The following MYT1L variants were observed in gnomAD, a reference collection of about 807,000 sequenced individuals.
MYT1L encodes myelin transcription factor 1 like.
Under a neutral mutation model 126.7 loss-of-function variants are expected in MYT1L, and 12 were observed. The ratio of observed to expected loss-of-function variants is 0.09; its 90% confidence interval spans 0.06 to 0.15. MYT1L has a LOEUF of 0.15. Ranked by LOEUF, MYT1L falls within the 10% of genes least tolerant of loss-of-function variation. The probability of loss-of-function intolerance (pLI) is 1.00; values close to 1 mark genes in which losing one functional copy is unlikely to be tolerated. For missense variants in MYT1L, 979 were observed against 1,585.2 expected (o/e 0.62, Z 6.49); for synonymous variants, 541 against 604.2 (o/e 0.90, Z 1.53).
chr2:2,209,173 A>C (rs539715519), intron 2 of MYT1L, among the ~76,000 whole-genome samples: 1 of 152,318 alleles, frequency 6.6e-6, no homozygotes, highest in African/African-American at 2.4e-5. Context: ...TTTATACAGA[A>C]ATGCAGTGCA....
At chr2:1,863,476 C>T (rs956660804) in intron 18 of MYT1L, among the ~76,000 whole-genome samples, 4 of 152,198 alleles carry the variant, frequency 2.6e-5, no homozygotes, top group African/African-American at 7.2e-5. Flanking sequence ...GTTGAGATTC[C>T]GACATTCATC....
At chr2:1,983,270 C>A (rs186060553) in intron 5 of MYT1L, among the ~76,000 whole-genome samples, 1 of 152,174 alleles carries the variant, frequency 6.6e-6, no homozygotes, top group Non-Finnish European at 1.5e-5. Flanking sequence ...ATGAGCATTA[C>A]AGGAGATAAT....
chr2:2,284,349 G>A (rs2095487933), intron 2 of MYT1L, 55 bp downstream of exon 2: 1 of 152,004 alleles, frequency 6.6e-6, no homozygotes, highest in South Asian at 2.1e-4. Flanking sequence ...CTTGTTTTCA[G>A]GTACCTCCTT....
intron 2 of MYT1L, among the ~76,000 whole-genome samples, chr2:2,250,292 T>TA (rs1572843069): frequency 6.6e-6 from 1 of 151,968 alleles, no homozygotes; most frequent in East Asian, 1.9e-4. Context: ...GATGAATGGA[T>TA]AAAAAAGTGT....
intron 3 of MYT1L, among the ~76,000 whole-genome samples, chr2:2,144,756 G>A (rs2084618892): frequency 6.6e-6 from 1 of 152,184 alleles, no homozygotes; most frequent in Non-Finnish European, 1.5e-5. Flanking sequence ...CGTTTACAAT[G>A]TGCTTTAAAT....
At chr2:2,043,678 C>T (rs1286273100) in intron 4 of MYT1L, among the ~76,000 whole-genome samples, 3 of 152,138 alleles carry the variant, frequency 2.0e-5, no homozygotes, top group East Asian at 1.9e-4. Flanking sequence ...CCCTTCCTTG[C>T]CCTGAGCTCA....
chr2:1,880,398 C>T (rs770741449), intron 18 of MYT1L, among the ~76,000 whole-genome samples: 2 of 152,060 alleles, frequency 1.3e-5, no homozygotes, highest in African/African-American at 2.4e-5. Flanking sequence ...AGTGCAGTGG[C>T]GCGATCTCGG....
At chr2:2,308,265 G>A (rs191951139) in intron 1 of MYT1L, among the ~76,000 whole-genome samples, 3 of 149,312 alleles carry the variant, frequency 2.0e-5, no homozygotes, top group Admixed American at 2.0e-4. Context: ...CTCCACCTAT[G>A]CTTCAGTACA....
chr2:2,208,849 C>A (rs994016694), intron 2 of MYT1L, among the ~76,000 whole-genome samples: 36 of 152,162 alleles, frequency 2.4e-4, no homozygotes, highest in African/African-American at 8.7e-4. Context: ...AAACAGTAAA[C>A]CTATACATTG....
At chr2:1,840,243 A>C (rs564662026) in intron 20 of MYT1L, among the ~76,000 whole-genome samples, 1 of 152,136 alleles carries the variant, frequency 6.6e-6, no homozygotes, top group Non-Finnish European at 1.5e-5. Flanking sequence ...GGGCCCAGGC[A>C]TGGCTGGCGT....
At chr2:1,896,372 GAC>G (rs762771151) in intron 14 of MYT1L, among the ~76,000 whole-genome samples, 10 of 152,180 alleles carry the variant, frequency 6.6e-5, no homozygotes, top group Non-Finnish European at 1.2e-4. Context: ...GTACCAGAAA[GAC>G]ACATGCACTC....
At chr2:2,185,955 C>G (rs1318667589) in intron 2 of MYT1L, among the ~76,000 whole-genome samples, 1 of 121,084 alleles carries the variant, frequency 8.3e-6, no homozygotes, top group Admixed American at 8.0e-5. Flanking sequence ...GCAGCCGGGC[C>G]TCCCAGACGT....
At chr2:2,159,833 G>C (rs1284652482) in intron 3 of MYT1L, among the ~76,000 whole-genome samples, 16 of 151,932 alleles carry the variant, frequency 1.1e-4, no homozygotes, top group Admixed American at 1.1e-3. Context: ...CATTTCCTCT[G>C]GGGGGCTCTT....
At chr2:2,119,234 G>T (rs1012654896) in intron 3 of MYT1L, among the ~76,000 whole-genome samples, 4 of 152,184 alleles carry the variant, frequency 2.6e-5, no homozygotes, top group African/African-American at 9.7e-5. Flanking sequence ...TAGGCAATTT[G>T]CTAGGAATAA....
At chr2:2,009,515 T>C (rs773275880) in intron 4 of MYT1L, among the ~76,000 whole-genome samples, 73 of 152,232 alleles carry the variant, frequency 4.8e-4, no homozygotes, top group Non-Finnish European at 8.7e-4. Context: ...ATTATTTTTC[T>C]ATACAAATGC....
chr2:2,001,913 G>A (rs555450204), intron 4 of MYT1L, among the ~76,000 whole-genome samples: 42 of 152,156 alleles, frequency 2.8e-4, no homozygotes, highest in Non-Finnish European at 4.4e-4. Context: ...GAGGTGGGGG[G>A]GTCACCTTCT....
At chr2:2,117,161 C>G (rs1017198682) in intron 3 of MYT1L, among the ~76,000 whole-genome samples, 1 of 152,114 alleles carries the variant, frequency 6.6e-6, no homozygotes, top group Admixed American at 6.5e-5. Flanking sequence ...GCCAGAGCCA[C>G]GGAAACAATT....
rs2148294926 is a variant in MYT1L, at chr2:1,832,226, C to T, written c.3080+6923G>A. Among the ~76,000 whole-genome samples the T allele has an allele frequency of 1.3e-5, 2 of 152,280 alleles. 1 individual carries two copies. Among genetic ancestry groups the T allele is most frequent in the East Asian group, 3.9e-4 (2 of 5,152 alleles). On this transcript the variant is annotated intron_variant, in intron 21 of 24. Transcript: ENST00000647738. ...AGATGCCAGCGAGCCTGCTCTCTCC[C>T]TGCCTTGTGAGGACACAGTGAGAAG...
chr2:2,180,606 GTGCT>G (rs1165911420), intron 2 of MYT1L, among the ~76,000 whole-genome samples: 1 of 149,906 alleles, frequency 6.7e-6, no homozygotes, highest in East Asian at 2.0e-4. Flanking sequence ...ACCTGTGTGT[GTGCT>G]TATGTACCTG....
Sources: allele counts gnomAD v4.1 joint callset (sites outside exome capture counted in the v4.1 genomes callset), GRCh38; gene constraint gnomAD v4.1.1; transcripts MANE v1.5; gene names NCBI Gene and HGNC (gene_info 2026-07-23, HGNC 2026-07-21).